The following ZNF804A variants were observed in gnomAD, a reference collection of about 807,000 sequenced individuals.
ZNF804A encodes zinc finger protein 804A.
A neutral mutation model predicts 16.5 loss-of-function variants in ZNF804A; 2 were observed. The observed-to-expected ratio is 0.12, with a 90% CI of 0.05 to 0.38. The LOEUF is 0.38. ZNF804A is among the 10% of genes least tolerant of loss of function. The pLI is 0.99. For synonymous variants in ZNF804A, 534 were observed against 489.6 expected, an observed-to-expected ratio of 1.09 and a Z score of -1.20; for missense variants, 1,473 against 1,390.7, an observed-to-expected ratio of 1.06 and a Z score of -0.94.
chr2:184,718,896 C>T (rs1050736071), intron 1 of ZNF804A, among the ~76,000 whole-genome samples: 1 of 152,102 alleles, frequency 6.6e-6, no homozygotes, highest in Non-Finnish European at 1.5e-5. Flanking sequence ...TTTCACAGCT[C>T]AAGCAGGCGG....
Position 184,935,779 on chromosome 2 carries a change from C to T in ZNF804A, c.387-4C>T. ...TTAACACATGCTTCTGTTTCTCTCT[C>T]TAGTGCTCCTGGAAGTGGCCCCATG... is the stretch of plus-strand genomic sequence containing the variant. On this transcript the variant is annotated splice_region_variant and splice_polypyrimidine_tract_variant and intron_variant, in intron 3 of 3. Transcript: ENST00000302277. The T allele has an allele frequency of 6.3e-7, 1 of 1,591,340 alleles. No homozygotes were observed. The highest frequency in any genetic ancestry group is 1.1e-5 in the South Asian group (1 of 87,248).
At chr2:184,863,286 C>T (rs1018211708) in intron 1 of ZNF804A, among the ~76,000 whole-genome samples, 19 of 151,980 alleles carry the variant, frequency 1.3e-4, no homozygotes, top group African/African-American at 4.3e-4. Flanking sequence ...TCATTATTTC[C>T]ATCTGTAAAG....
chr2:184,802,177 G>A (rs951815176), intron 1 of ZNF804A, among the ~76,000 whole-genome samples: 4 of 152,120 alleles, frequency 2.6e-5, no homozygotes, highest in African/African-American at 9.7e-5. Context: ...ATTGGCCTTT[G>A]TCCCTAGTAT....
chr2:184,912,205 T>C (rs1474564354), intron 2 of ZNF804A, among the ~76,000 whole-genome samples: 1 of 152,052 alleles, frequency 6.6e-6, no homozygotes, highest in Admixed American at 6.6e-5. Flanking sequence ...TCTCTATTGA[T>C]TTAGCTATTC....
At chr2:184,860,875 T>C (rs1695789478) in intron 1 of ZNF804A, among the ~76,000 whole-genome samples, 1 of 152,198 alleles carries the variant, frequency 6.6e-6, no homozygotes, top group African/African-American at 2.4e-5. Context: ...TGCTGGCGCA[T>C]TCAGGAGTCT....
At chr2:184,747,883 T>TA (rs1386046998) in intron 1 of ZNF804A, among the ~76,000 whole-genome samples, 1 of 151,466 alleles carries the variant, frequency 6.6e-6, no homozygotes, top group Non-Finnish European at 1.5e-5. Flanking sequence ...TAACTTACAC[T>TA]AATAAGTAAG....
chr2:184,881,051 T>C (rs372424673), intron 2 of ZNF804A, among the ~76,000 whole-genome samples: 5 of 152,060 alleles, frequency 3.3e-5, no homozygotes, highest in African/African-American at 9.7e-5. Context: ...ATAGGTGGAA[T>C]GTCTATTTTA....
intron 1 of ZNF804A, among the ~76,000 whole-genome samples, chr2:184,803,467 G>A (rs958000352): frequency 2.1e-4 from 32 of 151,544 alleles, no homozygotes; most frequent in African/African-American, 7.8e-4. Context: ...TGAACTACAT[G>A]AGCAAAGGGT....
Position 184,626,103 on chromosome 2 carries a change from C to T in ZNF804A, c.111+27033C>T, listed in dbSNP as rs1411502100. Among the ~76,000 whole-genome samples the T allele has an allele frequency of 2.6e-5, 4 of 152,204 alleles. No individual in the cohort carries two copies. The East Asian group carries it at 7.8e-4, about 29-fold the overall frequency. ...CAGGATGGTCTTGATCTCCTGATCT[C>T]GTGATCCACACACCTCGGCCTCCCA... On this transcript the variant is annotated intron_variant, in intron 1 of 3. Coordinates refer to ENST00000302277, the MANE Select transcript of ZNF804A (RefSeq NM_194250.2).
At chr2:184,716,603 T>G (rs1693217928) in intron 1 of ZNF804A, among the ~76,000 whole-genome samples, 1 of 152,128 alleles carries the variant, frequency 6.6e-6, no homozygotes, top group South Asian at 2.1e-4. Flanking sequence ...AATATCTCAA[T>G]TTTGTGTAAG....
chr2:184,607,012 T>C (rs1222066971), intron 1 of ZNF804A, among the ~76,000 whole-genome samples: 1 of 152,258 alleles, frequency 6.6e-6, no homozygotes. Context: ...TGCATTGATG[T>C]TGATAACTAT....
Position 184,938,620 on chromosome 2 carries a change from C to A in ZNF804A, c.3224C>A (p.Pro1075Gln), listed in dbSNP as rs1328821265. ...TTTACCTTTCCTCCAGCTGCCCTCCCACCCCCTAGCACACCTCTGCAGCCT... is the reference window on the plus strand; with the variant it reads ...TTTACCTTTCCTCCAGCTGCCCTCCAACCCCCTAGCACACCTCTGCAGCCT... Reference protein sequence around the residue: ...VKFTFPPAALPPPSTPLQPLP... With the variant: ...VKFTFPPAALQPPSTPLQPLP... Residue 1075 changes from proline to glutamine, a missense_variant, in exon 4 of 4, where the codon CCA becomes CAA. Coordinates refer to ENST00000302277, the MANE Select transcript of ZNF804A (RefSeq NM_194250.2). 1 of 1,614,028 alleles carries A rather than the reference C, an allele frequency of 6.2e-7. No individual in the cohort carries two copies. Among genetic ancestry groups the A allele is most frequent in the South Asian group, 1.1e-5 (1 of 91,072 alleles).
chr2:184,703,833 A>G (rs1233923508), intron 1 of ZNF804A, among the ~76,000 whole-genome samples: 2 of 152,122 alleles, frequency 1.3e-5, no homozygotes, highest in Non-Finnish European at 2.9e-5. Flanking sequence ...AAAAAAAGTG[A>G]AATTTATAAT....
At chr2:184,915,598 C>T (rs547049089) in intron 2 of ZNF804A, among the ~76,000 whole-genome samples, 53 of 152,226 alleles carry the variant, frequency 3.5e-4, no homozygotes, top group African/African-American at 1.2e-3. Flanking sequence ...ATGCATGAGA[C>T]ACTTCTGATC....
At chr2:184,833,014 G>C (rs905122933) in intron 1 of ZNF804A, among the ~76,000 whole-genome samples, 1 of 151,994 alleles carries the variant, frequency 6.6e-6, no homozygotes, top group Non-Finnish European at 1.5e-5. Flanking sequence ...TTTCCCAGCA[G>C]TGAGATTCCT....
intron 1 of ZNF804A, among the ~76,000 whole-genome samples, chr2:184,862,643 G>A (rs1695817967): frequency 1.3e-5 from 2 of 149,900 alleles, no homozygotes; most frequent in African/African-American, 5.0e-5. Flanking sequence ...TCATAGTTTT[G>A]TAACTTTTCT....
chr2:184,783,284 A>C (rs954611732), intron 1 of ZNF804A, among the ~76,000 whole-genome samples: 1 of 151,338 alleles, frequency 6.6e-6, no homozygotes, highest in Non-Finnish European at 1.5e-5. Context: ...GATCTACATA[A>C]AAATGAATGT....
chr2:184,692,319 G>A (rs1013614428), intron 1 of ZNF804A, among the ~76,000 whole-genome samples: 1 of 152,140 alleles, frequency 6.6e-6, no homozygotes, highest in Non-Finnish European at 1.5e-5. Flanking sequence ...CCTAGGACTA[G>A]CGCCATGTGT....
chr2:184,906,256 G>T (rs988299360), intron 2 of ZNF804A, among the ~76,000 whole-genome samples: 4 of 152,032 alleles, frequency 2.6e-5, no homozygotes, highest in African/African-American at 9.7e-5. Context: ...CAATATTCAA[G>T]CTTTTCTATC....
Sources: gnomAD v4.1 joint callset for allele counts (sites outside exome capture counted in the v4.1 genomes callset) on GRCh38, gnomAD v4.1.1 for gene constraint, MANE v1.5 for transcripts, NCBI Gene and HGNC (gene_info 2026-07-23, HGNC 2026-07-21) for gene names.